Variants in RSPH14 observed in about 807,000 individuals in gnomAD.
RSPH14 encodes the protein radial spoke head 14 homolog.
A neutral mutation model predicts 26.7 loss-of-function variants in RSPH14; 20 were observed. The ratio of observed to expected loss-of-function variants is 0.75; its 90% CI spans 0.53 to 1.09. RSPH14 has a LOEUF of 1.09. RSPH14 is among the 50% of genes least tolerant of loss of function. The pLI is 0.00. For missense variants in RSPH14, 449 were observed against 457.2 expected, an observed-to-expected ratio of 0.98 and a Z score of 0.16; for synonymous variants, 177 against 189.3, an observed-to-expected ratio of 0.93 and a Z score of 0.53.
At chr22:23,145,375 G>A, upstream of RSPH14, 1 of 1,607,012 alleles carries the variant, frequency 6.2e-7, no homozygotes, top group Non-Finnish European at 8.5e-7. Flanking sequence ...TATGGTGATC[G>A]CCGGTGCAAG....
At chr22:23,085,109 G>A (rs2068783118) in intron 4 of RSPH14, among the ~76,000 whole-genome samples, 1 of 152,172 alleles carries the variant, frequency 6.6e-6, no homozygotes, top group East Asian at 1.9e-4. Flanking sequence ...GGTGGACATG[G>A]TTTCCAGGCA....
At chr22:23,162,782 G>GCC in the RSPH14 span, 1 of 455,944 alleles carries the variant, frequency 2.2e-6, no homozygotes, top group Non-Finnish European at 4.4e-6. Flanking sequence ...CTCTCCTAGG[G>GCC]CCTGGCACAC....
At chr22:23,083,502 T>TATCC (rs2068733887) in intron 4 of RSPH14, among the ~76,000 whole-genome samples, 1 of 152,194 alleles carries the variant, frequency 6.6e-6, no homozygotes, top group Non-Finnish European at 1.5e-5. Context: ...TTCCTCCATC[T>TATCC]ATCCATCCAT....
chr22:23,157,518 C>T, the RSPH14 span, among the ~76,000 whole-genome samples: 99 of 152,262 alleles, frequency 6.5e-4, no homozygotes, highest in Non-Finnish European at 6.2e-4. Context: ...CTCAGCCTCC[C>T]AAAGTGCTGG....
chr22:23,130,057 G>GA lies in RSPH14; in HGVS notation c.421+3968dup, dbSNP rs1156868854. Among the ~76,000 whole-genome samples, 65 of 128,600 alleles carry GA rather than the reference G, an allele frequency of 5.1e-4. 1 individual carries two copies. Among genetic ancestry groups the GA allele is most frequent in the Middle Eastern group, 3.9e-3 (1 of 256 alleles). The allele number at this position is 128,600 out of a possible 152,430, so 84.4% of individuals were successfully genotyped here. A position where few individuals can be genotyped will look rare whatever the true frequency, so the allele number is the denominator to read the frequency against. On this transcript the variant is annotated intron_variant, in intron 4 of 6. Transcript: ENST00000216036. ...GGGAAGGGAGAGAAAGAAAGAGAAA[G>GA]AAAAAGAAAGAAAGAAAGAAAGAAA...
the RSPH14 span, chr22:23,150,043 G>A: frequency 8.9e-6 from 14 of 1,578,064 alleles, no homozygotes; most frequent in East Asian, 2.3e-5. Flanking sequence ...TGATGTGTCC[G>A]TCTGTCTGTC....
At chr22:23,158,146 T>G in the RSPH14 span, 1 of 1,549,984 alleles carries the variant, frequency 6.5e-7, no homozygotes, top group Non-Finnish European at 8.7e-7. Context: ...GTGGTGGGTG[T>G]GAGTGACCAG....
chr22:23,130,081 AAGG>A lies in RSPH14; in HGVS notation c.421+3942_421+3944del, dbSNP rs1173211936. Among the ~76,000 whole-genome samples, 4 of 28,930 alleles carry A rather than the reference AAGG, an allele frequency of 1.4e-4. No individual in the cohort carries two copies. The East Asian group carries it at 2.0e-3, about 14-fold the overall frequency. 19.0% of individuals were successfully genotyped at this position (28,930 alleles called of 152,430 possible). On this transcript the variant is annotated intron_variant, in intron 4 of 6. Coordinates refer to ENST00000216036, the MANE Select transcript of RSPH14 (RefSeq NM_014433.3). Reference sequence around the variant, plus strand: ...AGAAAAAGAAAGAAAGAAAGAAAGAAAGGAAGAAAGAAAGAAAGAAAGAAAGAA... The same window carrying A: ...AGAAAAAGAAAGAAAGAAAGAAAGAAAAGAAAGAAAGAAAGAAAGAAAGAA...
intron 4 of RSPH14, among the ~76,000 whole-genome samples, chr22:23,105,677 G>A (rs1601810998): frequency 6.6e-6 from 1 of 152,358 alleles, no homozygotes; most frequent in East Asian, 1.9e-4. Context: ...GCAAGCTCCT[G>A]GCCAGGCCTG....
the RSPH14 span, chr22:23,153,046 G>A: frequency 3.3e-5 from 53 of 1,614,062 alleles, no homozygotes; most frequent in East Asian, 1.0e-3. Flanking sequence ...TTGCAAGAAT[G>A]TTTTTGATCG....
At chr22:23,163,274 G>A in the RSPH14 span, 3 of 155,042 alleles carry the variant, frequency 1.9e-5, no homozygotes, top group African/African-American at 7.3e-5. Context: ...CTGTCACCCA[G>A]GCTGGCGTGC....
chr22:23,123,083 C>T (rs1351536546), intron 4 of RSPH14: 2 of 1,605,260 alleles, frequency 1.2e-6, no homozygotes, highest in Non-Finnish European at 8.5e-7. Context: ...TTTCCTTTCC[C>T]CAGAGTCGGA....
At chr22:23,147,399 T>C (rs1262928605), upstream of RSPH14, among the ~76,000 whole-genome samples, 1 of 151,944 alleles carries the variant, frequency 6.6e-6, no homozygotes, top group Non-Finnish European at 1.5e-5. Context: ...AATGGTGCCA[T>C]CATAATTCAC....
In RSPH14 at chr22:23,090,774, C is replaced by T. The variant is rs150020031; in HGVS notation, c.422-26641G>A. Among the ~76,000 whole-genome samples, 468 of 152,342 alleles carry T rather than the reference C, an allele frequency of 3.1e-3. 2 individuals carry two copies. The highest frequency in any genetic ancestry group is 5.8e-3 in the Non-Finnish European group (395 of 68,028). ...CACCCCCAACCCTGCCCACCTGGAG[C>T]TCCATTTCCACTGTAGCACTGGGCA... On this transcript the variant is annotated intron_variant, in intron 4 of 6. Transcript: ENST00000216036.
At chr22:23,173,622 G>T in the RSPH14 span, among the ~76,000 whole-genome samples, 201 of 112,316 alleles carry the variant, frequency 1.8e-3, 1 homozygote, top group African/African-American at 6.6e-3. Context: ...TTTATTTTTG[G>T]TTTTTTGTTT....
At position 23,071,338 on chromosome 22, in the gene RSPH14, GGCC is replaced by G. The variant is rs1473624294; in HGVS notation, c.422-7208_422-7206del. ...GGTGATGATGGCAGGATTCGGCCTA[GGCC>G]GAGAATGGGGGCTCCTGTTAACTGA... On this transcript the variant is annotated intron_variant, in intron 4 of 6. Transcript: ENST00000216036. This position sits in a 1 kb window ranked among gnomAD's most constrained non-coding sequence, Gnocchi z 4.1. 6.6e-6 allele frequency among the ~76,000 whole-genome samples: 1 copy of G among 152,170 alleles called. No individual in the cohort carries two copies. The highest frequency in any genetic ancestry group is 6.5e-5 in the Admixed American group (1 of 15,290).
chr22:23,077,229 C>T (rs2068530900), intron 4 of RSPH14, among the ~76,000 whole-genome samples: 1 of 152,178 alleles, frequency 6.6e-6, no homozygotes, highest in African/African-American at 2.4e-5. Context: ...TCCTTAGTGA[C>T]ACTGATGCTA....
At chr22:23,120,970 T>C (rs2070008164) in intron 4 of RSPH14, among the ~76,000 whole-genome samples, 2 of 152,236 alleles carry the variant, frequency 1.3e-5, no homozygotes, top group South Asian at 2.1e-4. Context: ...CTATGAGAAA[T>C]GACAGCTCTG....
chr22:23,150,812 C>T, the RSPH14 span, among the ~76,000 whole-genome samples: 1 of 152,134 alleles, frequency 6.6e-6, no homozygotes, highest in Admixed American at 6.5e-5. Flanking sequence ...CTTCTCTGAC[C>T]CCCCACTACC....
Sources: allele counts gnomAD v4.1 joint callset (sites outside exome capture counted in the v4.1 genomes callset), GRCh38; gene constraint gnomAD v4.1.1; non-coding constraint Gnocchi (gnomAD v3.1); transcripts MANE v1.5; gene names NCBI Gene and HGNC (gene_info 2026-07-23, HGNC 2026-07-21).